The following BET1 variants were observed in gnomAD, a reference collection of about 807,000 sequenced individuals.
BET1 encodes Bet1 golgi vesicular membrane trafficking protein.
A neutral mutation model predicts 13.9 loss-of-function variants in BET1; 9 were observed. The ratio of observed to expected loss-of-function variants is 0.65; its 90% CI spans 0.39 to 1.13. The LOEUF (loss-of-function observed/expected upper bound fraction) is 1.13, where lower values mean the gene tolerates loss of function less well. Ranked by LOEUF, BET1 falls within the 50% of genes most tolerant of loss-of-function variation. BET1 has a pLI of 0.01. For synonymous variants in BET1, 39 were observed against 47.3 expected (o/e 0.82, Z 0.72); for missense variants, 127 against 133.6 (o/e 0.95, Z 0.24).
At chr7:93,967,545 T>A (rs1467523199) in intron 6 of BET1, among the ~76,000 whole-genome samples, 1 of 151,816 alleles carries the variant, frequency 6.6e-6, no homozygotes, top group East Asian at 1.9e-4. Flanking sequence ...GACAGGTTTT[T>A]TGTCTTTGCA....
chr7:93,994,184 G>A lies in BET1; in HGVS notation c.*46C>T, dbSNP rs1423555125. The A allele has an allele frequency of 1.3e-6, 2 of 1,562,778 alleles. No individual in the cohort carries two copies. Among genetic ancestry groups the A allele is most frequent in the South Asian group, 1.2e-5 (1 of 82,612 alleles). On this transcript the variant is annotated 3_prime_UTR_variant, in exon 4 of 4. Coordinates refer to ENST00000222547, the MANE Select transcript of BET1 (RefSeq NM_005868.6). ...TGCTGATTTTTATCAAAGTGGTACT[G>A]CAAGCCATTAAGTTGGAACAAATTC...
chr7:93,964,104 TA>T (rs1795138067), exon 7 of BET1: 2 of 151,836 alleles, frequency 1.3e-5, no homozygotes, highest in Admixed American at 6.6e-5. Flanking sequence ...AATAAATAAA[TA>T]ATACAAAAAT....
chr7:93,962,992 C>A (rs1227254057), exon 7 of BET1: 2 of 151,952 alleles, frequency 1.3e-5, no homozygotes, highest in Non-Finnish European at 2.9e-5. Flanking sequence ...GGAAAAAATC[C>A]TCTGCAATTT....
intron 4 of BET1, among the ~76,000 whole-genome samples, chr7:93,985,176 T>C (rs1420483059): frequency 6.6e-6 from 1 of 152,138 alleles, no homozygotes; most frequent in East Asian, 1.9e-4. Flanking sequence ...ATGGCTACTG[T>C]TGCTGGTCCT....
At chr7:94,000,601 G>T (rs1795879995) in intron 1 of BET1, among the ~76,000 whole-genome samples, 2 of 152,102 alleles carry the variant, frequency 1.3e-5, no homozygotes, top group South Asian at 4.1e-4. Context: ...CAGGTGTGTG[G>T]TTTTTTTCTG....
chr7:93,996,993 A>G (rs955209753), intron 2 of BET1, among the ~76,000 whole-genome samples: 114 of 152,004 alleles, frequency 7.5e-4, no homozygotes, highest in African/African-American at 2.6e-3. Flanking sequence ...TTGCTTTAAA[A>G]TATGATAATA....
chr7:93,985,852 C>A (rs1795519550), intron 4 of BET1, among the ~76,000 whole-genome samples: 1 of 152,202 alleles, frequency 6.6e-6, no homozygotes, highest in Admixed American at 6.5e-5. Flanking sequence ...AAACAACACC[C>A]TCCAAGCTGA....
chr7:93,996,358 A>T, intron 2 of BET1, 37 bp from the exon 3 acceptor site: 1 of 1,391,632 alleles, frequency 7.2e-7, no homozygotes, highest in Non-Finnish European at 9.8e-7. Context: ...TTACTCACAT[A>T]AAAGTATTCA....
At chr7:93,981,353 A>G (rs1795423981) in intron 4 of BET1, among the ~76,000 whole-genome samples, 1 of 152,182 alleles carries the variant, frequency 6.6e-6, no homozygotes, top group Non-Finnish European at 1.5e-5. Context: ...AAAGGTCATT[A>G]ATTGTTTACA....
At chr7:93,999,715 G>C (rs752904038) in intron 1 of BET1, 1 of 456,652 alleles carries the variant, frequency 2.2e-6, no homozygotes, top group South Asian at 1.5e-5. Flanking sequence ...CAGAAGGACG[G>C]GAGCTCATAG....
chr7:93,973,220 T>C (rs1178548441), intron 5 of BET1, among the ~76,000 whole-genome samples: 2 of 151,962 alleles, frequency 1.3e-5, no homozygotes, highest in African/African-American at 2.4e-5. Flanking sequence ...TGAAAGATTG[T>C]CCACAGTATG....
At position 93,993,505 on chromosome 7, in the gene BET1, A is replaced by C; in HGVS notation, c.*725T>G. On this transcript the variant is annotated 3_prime_UTR_variant, in exon 4 of 4. Transcript: ENST00000222547. ...TCACATTATTCTGTCACAAATGATA[A>C]ATGTGCTACCTATGTAGTAAAAATC... The C allele has an allele frequency of 1.0e-6, 1 of 986,574 alleles. No individual in the cohort carries two copies. Among genetic ancestry groups the C allele is most frequent in the Non-Finnish European group, 1.2e-6 (1 of 827,196 alleles). 61.1% of individuals were successfully genotyped at this position (986,574 alleles called of 1,614,324 possible).
At chr7:93,990,614 A>T (rs1230222004), downstream of BET1, among the ~76,000 whole-genome samples, 1 of 152,170 alleles carries the variant, frequency 6.6e-6, no homozygotes, top group African/African-American at 2.4e-5. Flanking sequence ...ACATAGTAGG[A>T]CAATTCTTTA....
chr7:93,983,824 C>T (rs889782567), intron 4 of BET1, among the ~76,000 whole-genome samples: 2 of 152,128 alleles, frequency 1.3e-5, no homozygotes, highest in Non-Finnish European at 2.9e-5. Context: ...ATCCACAGAG[C>T]TTGACTGCAT....
intron 4 of BET1, among the ~76,000 whole-genome samples, chr7:93,977,059 A>T (rs556640688): frequency 6.6e-6 from 1 of 152,128 alleles, no homozygotes; most frequent in South Asian, 2.1e-4. Flanking sequence ...TCTATATCTC[A>T]ATCACATTTT....
chr7:93,993,941 A>G lies in BET1; in HGVS notation c.*289T>C, dbSNP rs1795698169. 1 of 1,535,082 alleles carries G rather than the reference A, an allele frequency of 6.5e-7. No homozygotes were observed. The highest frequency in any genetic ancestry group is 2.0e-5 in the Admixed American group (1 of 50,802). On this transcript the variant is annotated 3_prime_UTR_variant, in exon 4 of 4. Transcript: ENST00000222547. ...TTTATGATTACAACAAAATATTATA[A>G]TGCTATTTAATCTGACAGTTGGCAA...
chr7:93,986,464 G>A (rs1033486816), intron 4 of BET1, among the ~76,000 whole-genome samples: 5 of 152,188 alleles, frequency 3.3e-5, no homozygotes, highest in African/African-American at 7.2e-5. Flanking sequence ...GGTAATGACT[G>A]CATCATCAAT....
At chr7:93,974,661 C>A (rs1465117816) in intron 5 of BET1, among the ~76,000 whole-genome samples, 1 of 151,888 alleles carries the variant, frequency 6.6e-6, no homozygotes, top group Non-Finnish European at 1.5e-5. Context: ...GGAGAAGAGG[C>A]AGCTCTTCTT....
At chr7:93,967,613 T>C (rs1369988870) in intron 6 of BET1, among the ~76,000 whole-genome samples, 2 of 151,998 alleles carry the variant, frequency 1.3e-5, no homozygotes, top group East Asian at 3.9e-4. Flanking sequence ...AAATGAGTTT[T>C]ATATTATGAC....
Sources: gnomAD v4.1 joint callset for allele counts (sites outside exome capture counted in the v4.1 genomes callset) on GRCh38, gnomAD v4.1.1 for gene constraint, MANE v1.5 for transcripts, NCBI Gene and HGNC (gene_info 2026-07-23, HGNC 2026-07-21) for gene names.